Variants in ZNF676 observed in about 807,000 individuals in gnomAD.
ZNF676 encodes zinc finger protein 676.
A neutral mutation model predicts 6.0 loss-of-function variants in ZNF676; 4 were observed. That is an observed-to-expected ratio of 0.67 (90% CI 0.33 to 1.53). ZNF676 has a LOEUF of 1.53. Among genes scored for constraint, ZNF676 ranks in the 40% most tolerant of loss-of-function variants. The pLI is 0.06. For synonymous variants in ZNF676, 198 were observed against 223.1 expected, an observed-to-expected ratio of 0.89 and a Z score of 1.00; for missense variants, 644 against 679.7, an observed-to-expected ratio of 0.95 and a Z score of 0.58.
At chr19:22,187,913 G>C (rs369919831) in intron 2 of ZNF676, among the ~76,000 whole-genome samples, 1 of 151,978 alleles carries the variant, frequency 6.6e-6, no homozygotes, top group Admixed American at 6.6e-5. Context: ...GAATCTGATG[G>C]ATTCACAGCC....
chr19:22,195,053 C>T (rs1858111122), intron 1 of ZNF676, among the ~76,000 whole-genome samples: 1 of 152,078 alleles, frequency 6.6e-6, no homozygotes, highest in South Asian at 2.1e-4. Flanking sequence ...AGGAGAAATC[C>T]AAGTAGTTTT....
At chr19:22,257,293 A>T in the ZNF676 span, among the ~76,000 whole-genome samples, 8 of 152,030 alleles carry the variant, frequency 5.3e-5, no homozygotes, top group African/African-American at 1.9e-4. Context: ...AAAAGGCACA[A>T]CCCCTACAAG....
At chr19:22,202,485 C>T (rs2024035715) in intron 1 of ZNF676, among the ~76,000 whole-genome samples, 2 of 152,048 alleles carry the variant, frequency 1.3e-5, no homozygotes, top group Admixed American at 6.5e-5. Flanking sequence ...TATAGTAAAG[C>T]TTAGTTGGTA....
chr19:22,184,442 AC>A (rs1022980451), intron 2 of ZNF676, among the ~76,000 whole-genome samples: 1 of 152,136 alleles, frequency 6.6e-6, no homozygotes, highest in African/African-American at 2.4e-5. Flanking sequence ...GTTTGGGCAG[AC>A]ACCAAACTAG....
At chr19:22,230,497 T>C in the ZNF676 span, among the ~76,000 whole-genome samples, 2 of 131,622 alleles carry the variant, frequency 1.5e-5, no homozygotes, top group Admixed American at 8.0e-5. Context: ...TAAAGTGTAA[T>C]AATAAAAAAG....
upstream of ZNF676, among the ~76,000 whole-genome samples, chr19:22,197,892 C>G (rs539787188): frequency 1.2e-3 from 178 of 152,180 alleles, no homozygotes; most frequent in Non-Finnish European, 2.2e-3. Flanking sequence ...TATTGCCCCC[C>G]CTCTGAAAGG....
At chr19:22,204,441 C>A (rs941879890) in intron 1 of ZNF676, among the ~76,000 whole-genome samples, 1 of 152,086 alleles carries the variant, frequency 6.6e-6, no homozygotes, top group Non-Finnish European at 1.5e-5. Flanking sequence ...TTATACTATT[C>A]TAGAAAATAC....
At chr19:22,257,110 G>A in the ZNF676 span, among the ~76,000 whole-genome samples, 3 of 152,136 alleles carry the variant, frequency 2.0e-5, no homozygotes, top group African/African-American at 7.2e-5. Flanking sequence ...ACAGGAATAT[G>A]TTGCAATCTT....
chr19:22,232,397 A>T, the ZNF676 span, among the ~76,000 whole-genome samples: 1 of 152,088 alleles, frequency 6.6e-6, no homozygotes, highest in African/African-American at 2.4e-5. Context: ...TGATCTCTTG[A>T]CCTTGTGATC....
At chr19:22,224,442 G>A in the ZNF676 span, among the ~76,000 whole-genome samples, 289 of 152,044 alleles carry the variant, frequency 1.9e-3, no homozygotes, top group Non-Finnish European at 2.7e-3. Context: ...TTATGGTTAT[G>A]GCTTATCTTG....
chr19:22,204,600 A>G (rs1366391170), intron 1 of ZNF676, among the ~76,000 whole-genome samples: 1 of 152,144 alleles, frequency 6.6e-6, no homozygotes, highest in Non-Finnish European at 1.5e-5. Flanking sequence ...TCAGCCTGCA[A>G]ATAATCACCT....
the ZNF676 span, among the ~76,000 whole-genome samples, chr19:22,235,020 GAAAGAAA>G: frequency 1.8e-5 from 1 of 56,666 alleles, no homozygotes; most frequent in African/African-American, 7.5e-5. Context: ...AAGAAAGAAA[GAAAGAAA>G]GAAAGAAAAG....
intron 2 of ZNF676, among the ~76,000 whole-genome samples, chr19:22,184,171 C>T (rs1526883): frequency 0.43 from 65,195 of 151,894 alleles, 14,959 homozygotes; most frequent in African/African-American, 0.59. Flanking sequence ...TTTATCTCAA[C>T]GGGACTGGTT....
chr19:22,242,603 C>T, the ZNF676 span, among the ~76,000 whole-genome samples: 1 of 151,898 alleles, frequency 6.6e-6, no homozygotes, highest in Non-Finnish European at 1.5e-5. Flanking sequence ...GATGCTGAGC[C>T]TAGCAATACA....
chr19:22,252,620 C>G, the ZNF676 span, among the ~76,000 whole-genome samples: 1 of 152,066 alleles, frequency 6.6e-6, no homozygotes, highest in Admixed American at 6.6e-5. Flanking sequence ...TGTGAGGGAC[C>G]AAAAGGTATG....
chr19:22,181,702 G>C (rs2023756010), intron 2 of ZNF676, 116 bp from the exon 3 acceptor site: 2 of 726,420 alleles, frequency 2.8e-6, no homozygotes. Flanking sequence ...ATTGCAATAT[G>C]ACACAGGCCC....
At chr19:22,198,419 C>T (rs1376349083), upstream of ZNF676, among the ~76,000 whole-genome samples, 1 of 152,132 alleles carries the variant, frequency 6.6e-6, no homozygotes, top group Non-Finnish European at 1.5e-5. Context: ...AGGAAAAACA[C>T]AGGTACACAG....
At chr19:22,200,515 A>ATTTTTTTTTTTTTTT (rs3035052), upstream of ZNF676, among the ~76,000 whole-genome samples, 1 of 105,850 alleles carries the variant, frequency 9.4e-6, no homozygotes, top group Non-Finnish European at 1.8e-5. Context: ...TGCTTCATCA[A>ATTTTTTTTTTTTTTT]TTTTTTTTTT....
chr19:22,199,417 A>G (rs1185271194), upstream of ZNF676, among the ~76,000 whole-genome samples: 1 of 152,236 alleles, frequency 6.6e-6, no homozygotes, highest in East Asian at 1.9e-4. Context: ...GTAAGTCAGC[A>G]TTTGGAAAAC....
Sources: allele counts gnomAD v4.1 joint callset (sites outside exome capture counted in the v4.1 genomes callset), GRCh38; gene constraint gnomAD v4.1.1; transcripts MANE v1.5; gene names NCBI Gene and HGNC (gene_info 2026-07-23, HGNC 2026-07-21).